The following STK39 variants were observed in gnomAD, a reference collection of about 807,000 sequenced individuals.
STK39 encodes the protein serine/threonine kinase 39, also known as STE20/SPS1-related proline-alanine-rich protein kinase.
In STK39, 20 loss-of-function variants were observed where a neutral mutation model predicts 77.8. That is an observed-to-expected ratio of 0.26 (90% confidence interval 0.18 to 0.37). The LOEUF is 0.37. Ranked by LOEUF, STK39 falls within the 10% of genes least tolerant of loss-of-function variation. The pLI is 1.00. For synonymous variants in STK39, 246 were observed against 234.1 expected (o/e 1.05, Z -0.47); for missense variants, 479 against 656.5 (o/e 0.73, Z 2.95).
chr2:168,078,408 G>C, intron 10 of STK39, among the ~76,000 whole-genome samples: 1 of 152,196 alleles, frequency 6.6e-6, no homozygotes, highest in East Asian at 1.9e-4. Flanking sequence ...CAGCCACAGA[G>C]AGGAGATGGC....
chr2:168,147,874 A>G (rs756791254), intron 5 of STK39, among the ~76,000 whole-genome samples: 2 of 152,222 alleles, frequency 1.3e-5, no homozygotes, highest in African/African-American at 4.8e-5. Context: ...CAGACCAGGG[A>G]AAGTCAGGGC....
At chr2:168,120,544 G>T (rs1403713622) in intron 10 of STK39, among the ~76,000 whole-genome samples, 1 of 152,234 alleles carries the variant, frequency 6.6e-6, no homozygotes, top group African/African-American at 2.4e-5. Context: ...AATGGAAACA[G>T]CTGTTCTAGC....
chr2:167,976,835 C>T lies in STK39; in HGVS notation c.1499-12109G>A, dbSNP rs147653490. Among the ~76,000 whole-genome samples, 71 of 152,304 alleles carry T rather than the reference C, an allele frequency of 4.7e-4. 1 individual carries two copies. Among genetic ancestry groups the T allele is most frequent in the African/African-American group, 1.7e-3 (70 of 41,554 alleles). On this transcript the variant is annotated intron_variant, in intron 16 of 17. Coordinates refer to ENST00000355999, the MANE Select transcript of STK39 (RefSeq NM_013233.3). Reference sequence around the variant, plus strand: ...GAGAGACTGGTCTGCATAATAACTCCTTCTCCTGTGTGGCATGGCCAGCCT... The same window carrying T: ...GAGAGACTGGTCTGCATAATAACTCTTTCTCCTGTGTGGCATGGCCAGCCT...
At chr2:168,066,314 A>G (rs1265228673) in intron 12 of STK39, among the ~76,000 whole-genome samples, 1 of 152,250 alleles carries the variant, frequency 6.6e-6, no homozygotes, top group Non-Finnish European at 1.5e-5. Flanking sequence ...ATGGATATAT[A>G]TGATAGAGCA....
intron 10 of STK39, among the ~76,000 whole-genome samples, chr2:168,103,182 A>C (rs1314651779): frequency 6.6e-6 from 1 of 152,062 alleles, no homozygotes; most frequent in Non-Finnish European, 1.5e-5. Flanking sequence ...TGATGATGAC[A>C]ATTTCATGTT....
At chr2:168,124,704 G>A (rs1559108930) in intron 10 of STK39, among the ~76,000 whole-genome samples, 2 of 152,064 alleles carry the variant, frequency 1.3e-5, no homozygotes, top group African/African-American at 2.4e-5. Context: ...CAACCCATAT[G>A]TTGGTTTTAG....
chr2:168,200,415 G>A (rs1393810839), intron 1 of STK39, among the ~76,000 whole-genome samples: 7 of 151,974 alleles, frequency 4.6e-5, no homozygotes, highest in Admixed American at 2.0e-4. Flanking sequence ...CTGTAATCCC[G>A]GCACTTTGGG....
chr2:168,239,224 T>G (rs891953581), intron 1 of STK39, among the ~76,000 whole-genome samples: 6 of 152,116 alleles, frequency 3.9e-5, no homozygotes, highest in African/African-American at 1.2e-4. Flanking sequence ...TCAAGGTGAG[T>G]GTTATATATA....
At chr2:167,999,912 T>C (rs1350914369) in intron 16 of STK39, among the ~76,000 whole-genome samples, 1 of 152,214 alleles carries the variant, frequency 6.6e-6, no homozygotes, top group East Asian at 1.9e-4. Context: ...TGTGACCTTC[T>C]GGAAGCAGCA....
At chr2:168,000,917 C>T (rs1316528291) in intron 16 of STK39, among the ~76,000 whole-genome samples, 1 of 152,150 alleles carries the variant, frequency 6.6e-6, no homozygotes, top group Non-Finnish European at 1.5e-5. Flanking sequence ...AGTAACAAAC[C>T]TCTCATCGCT....
intron 1 of STK39, 85 bp downstream of exon 1, chr2:168,247,143 G>A: frequency 1.0e-6 from 1 of 976,994 alleles, no homozygotes; most frequent in Non-Finnish European, 1.2e-6. Context: ...GGGCGTGCAT[G>A]CAGGCTAGCC....
At chr2:168,146,690 C>G (rs1688149106) in intron 5 of STK39, among the ~76,000 whole-genome samples, 1 of 152,224 alleles carries the variant, frequency 6.6e-6, no homozygotes, top group Non-Finnish European at 1.5e-5. Flanking sequence ...CAATTAACAG[C>G]TGTTGTTCCC....
intron 1 of STK39, among the ~76,000 whole-genome samples, chr2:168,216,502 T>C (rs1370152714): frequency 6.6e-6 from 1 of 152,214 alleles, no homozygotes; most frequent in Admixed American, 6.5e-5. Context: ...GCAAAAGTTG[T>C]GTTTGGCTGT....
chr2:167,980,227 C>T (rs538291412), intron 16 of STK39, among the ~76,000 whole-genome samples: 1 of 152,204 alleles, frequency 6.6e-6, no homozygotes, highest in African/African-American at 2.4e-5. Flanking sequence ...TGGAAATAAG[C>T]TTCAAGCTCT....
intron 3 of STK39, among the ~76,000 whole-genome samples, chr2:168,164,564 G>A (rs1368061188): frequency 3.9e-5 from 6 of 152,100 alleles, no homozygotes; most frequent in Non-Finnish European, 4.4e-5. Context: ...GTGCCACCAC[G>A]CCTGGCTAAT....
At chr2:168,191,136 C>G (rs996328802) in intron 1 of STK39, among the ~76,000 whole-genome samples, 6 of 152,204 alleles carry the variant, frequency 3.9e-5, no homozygotes, top group African/African-American at 1.4e-4. Flanking sequence ...CAGTCCCACT[C>G]CATCCCTTCT....
chr2:168,032,444 T>A (rs1208748274), intron 14 of STK39, among the ~76,000 whole-genome samples: 1 of 152,222 alleles, frequency 6.6e-6, no homozygotes, highest in Non-Finnish European at 1.5e-5. Flanking sequence ...TTTCCATACC[T>A]AAGAATAACT....
At chr2:168,175,261 A>G (rs1401174581) in intron 2 of STK39, among the ~76,000 whole-genome samples, 2 of 152,228 alleles carry the variant, frequency 1.3e-5, no homozygotes, top group African/African-American at 4.8e-5. Context: ...CAAAAGTGAG[A>G]TATTTAAAAA....
chr2:167,970,211 C>T (rs959997346), intron 16 of STK39, among the ~76,000 whole-genome samples: 1 of 152,210 alleles, frequency 6.6e-6, no homozygotes, highest in African/African-American at 2.4e-5. Context: ...CTTATCACCA[C>T]CTGATATGCT....
Sources: allele counts gnomAD v4.1 joint callset (sites outside exome capture counted in the v4.1 genomes callset), GRCh38; gene constraint gnomAD v4.1.1; transcripts MANE v1.5; gene names NCBI Gene and HGNC (gene_info 2026-07-23, HGNC 2026-07-21).